BEST1: variants seen among roughly 807,000 people sequenced by gnomAD.
The protein encoded by BEST1 is bestrophin 1.
Under a neutral mutation model 63.3 loss-of-function variants are expected in BEST1, and 58 were observed. The observed-to-expected ratio is 0.92, with a 90% CI of 0.74 to 1.14. The LOEUF (loss-of-function observed/expected upper bound fraction) is 1.14. BEST1 is among the 50% of genes most tolerant of loss of function. BEST1 has a pLI of 0.00. For missense variants in BEST1, 671 were observed against 740.1 expected (o/e 0.91, Z 1.08); for synonymous variants, 283 against 291.6 (o/e 0.97, Z 0.30).
chr11:61,961,896 G>A (rs1476641226), intron 9 of BEST1: 5 of 306,082 alleles, frequency 1.6e-5, no homozygotes, highest in Non-Finnish European at 2.5e-5. Flanking sequence ...TCACTCATGG[G>A]CCTCATCTGA....
chr11:61,964,063 AC>A (rs769182401), intron 10 of BEST1, 40 bp from the exon 11 acceptor site: 1 of 1,612,932 alleles, frequency 6.2e-7, no homozygotes, highest in Admixed American at 1.7e-5. Context: ...AAATGAAGGG[AC>A]CTTCCATACT....
chr11:61,959,070 G>GTCACC (rs1941751819), intron 7 of BEST1: 2 of 291,052 alleles, frequency 6.9e-6, no homozygotes, highest in South Asian at 6.8e-5. Flanking sequence ...GCAGACGCGT[G>GTCACC]TCACCTCTTC....
chr11:61,965,348 C>G, downstream of BEST1: 1 of 1,588,070 alleles, frequency 6.3e-7, no homozygotes. Context: ...AAGTATGACA[C>G]CCCTAGGATC....
chr11:61,955,609 C>G (rs1941226470), intron 3 of BEST1, 109 bp from the exon 4 acceptor site: 1 of 1,296,382 alleles, frequency 7.7e-7, no homozygotes. Flanking sequence ...GGGGGCTAGG[C>G]CCGCTCGCAG....
chr11:61,956,002 G>T (rs892289925), intron 4 of BEST1, 51 bp downstream of exon 4: 179 of 1,502,988 alleles, frequency 1.2e-4, no homozygotes, highest in Non-Finnish European at 1.5e-4. Flanking sequence ...CAGGGGCCGA[G>T]ATGGGCGCGG....
At chr11:61,958,104 C>G (rs1941587149) in intron 6 of BEST1, 42 bp from the exon 7 acceptor site, 1 of 1,605,950 alleles carries the variant, frequency 6.2e-7, no homozygotes, top group South Asian at 1.1e-5. Flanking sequence ...TTTCAGGGTT[C>G]CCACCTAGCC....
chr11:61,964,211 G>A lies in BEST1; in HGVS notation c.*89G>A. 1.2e-6 allele frequency: 2 copies of A among 1,602,902 alleles called. No homozygotes were observed. Among genetic ancestry groups the A allele is most frequent in the African/African-American group, 1.3e-5 (1 of 74,956 alleles). Reference sequence around the variant, plus strand: ...CTGATCCAGTCACAGCCATACAGCTGTCCACACTGAAGAACATGTCCTACA... The same window carrying A: ...CTGATCCAGTCACAGCCATACAGCTATCCACACTGAAGAACATGTCCTACA... On this transcript the variant is annotated 3_prime_UTR_variant, in exon 11 of 11. Coordinates refer to ENST00000378043, the MANE Select transcript of BEST1 (RefSeq NM_004183.4).
intron 7 of BEST1, chr11:61,959,129 C>T (rs1941759134): frequency 2.9e-6 from 1 of 341,976 alleles, no homozygotes; most frequent in Admixed American, 4.0e-5. Context: ...AATCTGCCCA[C>T]CTAGACTGCC....
chr11:61,955,634 A>G (rs1941229024), intron 3 of BEST1, 84 bp from the exon 4 acceptor site: 2 of 1,400,970 alleles, frequency 1.4e-6, no homozygotes, highest in African/African-American at 1.4e-5. Flanking sequence ...AAGCTGGAGG[A>G]GCCGAGGCAT....
chr11:61,952,024 G>T, intron 2 of BEST1, 66 bp downstream of exon 2: 1 of 1,577,326 alleles, frequency 6.3e-7, no homozygotes, highest in South Asian at 1.1e-5. Flanking sequence ...AGCTCCTGGG[G>T]GCCTCCCAGC....
rs1942174860 is a variant in BEST1 at position 61,962,512 on chromosome 11, T to C, written c.1358T>C (p.Phe453Ser). ...KAWKLKAVDA[F>S]KSAPLYQRPG... ...TGGAAGCTTAAGGCTGTGGACGCCT[T>C]CAAGTCTGCCCCACTGTATCAGAGG... The change falls in exon 10 of 11, where the codon TTC (phenylalanine) becomes TCC (serine). Residue 453 changes from phenylalanine (F) to serine (S), a missense_variant. By Grantham distance (155) the Phe-to-Ser change is radical. Coordinates refer to ENST00000378043, the MANE Select transcript of BEST1 (RefSeq NM_004183.4). 1 of 1,614,144 alleles carries C rather than the reference T, an allele frequency of 6.2e-7. No homozygotes were observed. The highest frequency in any genetic ancestry group is 1.3e-5 in the African/African-American group (1 of 75,020).
rs1451897574 is a variant in BEST1, at chr11:61,963,302, A to G, written c.1739+409A>G. ...GCAGTCAGCTGGATGACAGATGAAC[A>G]CTTCCCCCATAACTATTTAGGGTAG... On this transcript the variant is annotated intron_variant, in intron 10 of 10. Coordinates refer to ENST00000378043, the MANE Select transcript of BEST1 (RefSeq NM_004183.4). 2.2e-6 allele frequency: 3 copies of G among 1,360,196 alleles called. No individual in the cohort carries two copies. The South Asian group carries it at 6.4e-5, about 29-fold the overall frequency. The allele number at this position is 1,360,196 out of a possible 1,614,324, so 84.3% of individuals were successfully genotyped here.
In BEST1 at chr11:61,962,465, G is replaced by T. The variant is rs760747956; in HGVS notation, c.1311G>T (p.Arg437Ser). The T allele has an allele frequency of 5.0e-6, 8 of 1,614,074 alleles. No individual in the cohort carries two copies. The Admixed American group carries it at 5.0e-5, about 10-fold the overall frequency. ...KNHKAAKQNV[R>S]GQEDNKAWKL... is the part of the protein sequence containing the mutation. ...ACAAGGCAGCCAAACAGAACGTTAG[G>T]GGCCAGGAAGACAACAAGGCCTGGA... is the stretch of plus-strand genomic sequence containing the variant. Residue 437 changes from arginine to serine, a missense_variant, in exon 10 of 11, where the codon AGG (arginine) becomes AGT (serine). Transcript: ENST00000378043.
Position 61,951,940 on chromosome 11 carries a change from T to G in BEST1, c.134T>G (p.Ile45Ser). Residue 45 changes from isoleucine to serine, a missense_variant, in exon 2 of 11, where the codon ATC becomes AGC. Coordinates refer to ENST00000378043, the MANE Select transcript of BEST1 (RefSeq NM_004183.4). ...TTAATCTTCCTGCTCTGCTACTACATCATCCGCTTTATTTATAGGTAAAGC... is the reference window on the plus strand; with the variant it reads ...TTAATCTTCCTGCTCTGCTACTACAGCATCCGCTTTATTTATAGGTAAAGC... ...EFLIFLLCYY[I>S]IRFIYRLALT... The G allele has an allele frequency of 6.2e-7, 1 of 1,613,796 alleles. No individual in the cohort carries two copies. The highest frequency in any genetic ancestry group is 8.5e-7 in the Non-Finnish European group (1 of 1,179,954).
chr11:61,959,441 G>T lies in BEST1; in HGVS notation c.868-57G>T, dbSNP rs565731820. ...TAGCAGCAGCTGAGGTTTAAAGGGG[G>T]AAGCTGGCTTTGAGGAGTTCTGCCT... On this transcript the variant is annotated intron_variant, in intron 7 of 10. Coordinates refer to ENST00000378043, the MANE Select transcript of BEST1 (RefSeq NM_004183.4). The T allele has an allele frequency of 4.7e-5, 73 of 1,547,440 alleles. No homozygotes were observed. In the South Asian group the frequency reaches 6.3e-4, roughly 13 times the overall value.
intron 7 of BEST1, chr11:61,958,740 A>G: frequency 8.0e-6 from 3 of 376,554 alleles, no homozygotes; most frequent in Non-Finnish European, 1.5e-5. Context: ...GATGTTCTGA[A>G]TCACACAGTT....
At chr11:61,959,077 C>A (rs899660142) in intron 7 of BEST1, 22 of 298,948 alleles carry the variant, frequency 7.4e-5, no homozygotes, top group South Asian at 1.6e-4. Flanking sequence ...CGTGTCACCT[C>A]TTCGGGGCTT....
intron 4 of BEST1, 23 bp downstream of exon 4, chr11:61,955,974 G>C: frequency 1.9e-6 from 3 of 1,540,948 alleles, no homozygotes; most frequent in Non-Finnish European, 2.6e-6. Context: ...GGAGCAACGG[G>C]GAGGCACCGG....
intron 1 of BEST1, among the ~76,000 whole-genome samples, chr11:61,951,317 C>T (rs1940631839): frequency 6.6e-6 from 1 of 152,176 alleles, no homozygotes; most frequent in Non-Finnish European, 1.5e-5. Context: ...AAGCGATTCT[C>T]CTGCCTCAGC....
Sources: allele counts gnomAD v4.1 joint callset (sites outside exome capture counted in the v4.1 genomes callset), GRCh38; gene constraint gnomAD v4.1.1; transcripts MANE v1.5; gene names NCBI Gene and HGNC (gene_info 2026-07-23, HGNC 2026-07-21).